SESTD1: variants seen among roughly 807,000 people sequenced by gnomAD.
SESTD1 encodes the protein SEC14 and spectrin domain containing 1, also known as SEC14 domain and spectrin repeat-containing protein 1.
In SESTD1, 43 loss-of-function variants were observed where a neutral mutation model predicts 101.7. That is an observed-to-expected ratio of 0.42 (90% CI 0.33 to 0.55). The LOEUF is 0.55. Ranked by LOEUF, SESTD1 falls within the 20% of genes least tolerant of loss-of-function variation. SESTD1 has a pLI of 0.07. For synonymous variants in SESTD1, 283 were observed against 286.8 expected (o/e 0.99, Z 0.13); for missense variants, 647 against 815.1 (o/e 0.79, Z 2.51).
intron 2 of SESTD1, among the ~76,000 whole-genome samples, chr2:179,184,765 A>T (rs1391704115): frequency 6.6e-6 from 1 of 152,186 alleles, no homozygotes; most frequent in Non-Finnish European, 1.5e-5. Flanking sequence ...CCACCCATTA[A>T]GCCAAGCCCC....
intron 2 of SESTD1, among the ~76,000 whole-genome samples, chr2:179,191,106 T>C (rs1221443637): frequency 6.6e-6 from 1 of 152,150 alleles, no homozygotes; most frequent in African/African-American, 2.4e-5. Flanking sequence ...AATTGCTCTA[T>C]CAAAAAGACA....
At chr2:179,150,820 A>T (rs1483469391) in intron 6 of SESTD1, among the ~76,000 whole-genome samples, 4 of 146,830 alleles carry the variant, frequency 2.7e-5, no homozygotes, top group African/African-American at 1.1e-4. Flanking sequence ...ACTGTCTCAA[A>T]AAAAAGAAAA....
At chr2:179,140,771 G>A (rs2045260299) in intron 9 of SESTD1, among the ~76,000 whole-genome samples, 1 of 152,146 alleles carries the variant, frequency 6.6e-6, no homozygotes, top group Non-Finnish European at 1.5e-5. Flanking sequence ...GGTCACCAGT[G>A]ACCTCAATCT....
At chr2:179,181,160 T>C (rs1575465652) in intron 3 of SESTD1, among the ~76,000 whole-genome samples, 1 of 152,262 alleles carries the variant, frequency 6.6e-6, no homozygotes, top group East Asian at 1.9e-4. Context: ...ATTTAAATAG[T>C]ATAGGCTATT....
In SESTD1 at chr2:179,184,282, A is replaced by G. The variant is rs117396027; in HGVS notation, c.56-1094T>C. On this transcript the variant is annotated intron_variant, in intron 2 of 17. Coordinates refer to ENST00000428443, the MANE Select transcript of SESTD1 (RefSeq NM_178123.5). ...ATTTGAGGTAATTTGAGAGGCTTAA[A>G]AAGCAGCAAATACTGAAAGAAACAA... 6.2e-4 allele frequency among the ~76,000 whole-genome samples: 95 copies of G among 152,298 alleles called. 2 individuals carry two copies. The East Asian group carries it at 0.017, about 27-fold the overall frequency.
chr2:179,199,410 A>T (rs1404196734), intron 1 of SESTD1, among the ~76,000 whole-genome samples: 1 of 152,160 alleles, frequency 6.6e-6, no homozygotes, highest in Non-Finnish European at 1.5e-5. Context: ...TTCTGAAACT[A>T]TTCCAATCAA....
Position 179,124,531 on chromosome 2 carries a change from T to G in SESTD1, c.1000A>C (p.Asn334His), listed in dbSNP as rs2044827586. The change falls in exon 11 of 18, where the codon AAT becomes CAT. Residue 334 changes from asparagine to histidine, a missense_variant. Asn to His is a moderately conservative substitution (Grantham distance 68, BLOSUM62 1). Around this residue, in one of 3 missense-constraint regions of SESTD1, gnomAD observed 476 missense variants for 562.6 expected, o/e 0.85. Transcript: ENST00000428443. ...SEWFAVYVEL[N>H]QQIAALLNAG... ...TTCAAGAGTGCTGCAATTTGCTGAT[T>G]AAGTTCCACATACACTGCAAACCAT... is the stretch of plus-strand genomic sequence containing the variant. The G allele has an allele frequency of 6.2e-7, 1 of 1,613,938 alleles. No homozygotes were observed. Among genetic ancestry groups the G allele is most frequent in the Admixed American group, 1.7e-5 (1 of 59,994 alleles).
At chr2:179,123,969 A>G in intron 11 of SESTD1, 140 bp from the exon 12 acceptor site, 2 of 620,684 alleles carry the variant, frequency 3.2e-6, no homozygotes, top group Non-Finnish European at 5.6e-6. Flanking sequence ...AGGACGAATC[A>G]TTAGAATATG....
chr2:179,114,307 C>A (rs774499543), intron 16 of SESTD1, among the ~76,000 whole-genome samples: 2 of 152,172 alleles, frequency 1.3e-5, no homozygotes, highest in African/African-American at 2.4e-5. Context: ...AGGTTCCTTG[C>A]AACATCTGTT....
chr2:179,241,814 G>A (rs560822606), intron 1 of SESTD1, among the ~76,000 whole-genome samples: 1 of 151,846 alleles, frequency 6.6e-6, no homozygotes, highest in East Asian at 1.9e-4. Flanking sequence ...CCCAGCTACT[G>A]GAGAGGCTGA....
At chr2:179,231,917 T>C (rs115340485) in intron 1 of SESTD1, among the ~76,000 whole-genome samples, 6,571 of 152,090 alleles carry the variant, frequency 0.043, 168 homozygotes, top group Middle Eastern at 0.099. Context: ...CCATCGTGTA[T>C]GCCTATCATC....
chr2:179,147,626 C>T (rs919880503), intron 7 of SESTD1, among the ~76,000 whole-genome samples: 1 of 152,146 alleles, frequency 6.6e-6, no homozygotes, highest in African/African-American at 2.4e-5. Flanking sequence ...TCCTAAAGTG[C>T]TGGGATTACA....
At chr2:179,181,034 T>G (rs1281191786) in intron 3 of SESTD1, among the ~76,000 whole-genome samples, 1 of 152,220 alleles carries the variant, frequency 6.6e-6, no homozygotes, top group Non-Finnish European at 1.5e-5. Context: ...TTCATCTTGC[T>G]TCAACTTACA....
Position 179,124,378 on chromosome 2 carries a change from C to T in SESTD1, c.1153G>A (p.Gly385Ser), listed in dbSNP as rs1575426697. 6.2e-7 allele frequency: 1 copy of T among 1,613,860 alleles called. No homozygotes were observed. Among genetic ancestry groups the T allele is most frequent in the East Asian group, 2.2e-5 (1 of 44,858 alleles). ...TAGACACTTACATCTTGGGCAACACCATGAAATTCAAGAGCTGCTTGTAAG... is the reference window on the plus strand; with the variant it reads ...TAGACACTTACATCTTGGGCAACACTATGAAATTCAAGAGCTGCTTGTAAG... Reference protein sequence around the residue: ...NLLQAALEFHGVAQDLSQQLD... With the variant: ...NLLQAALEFHSVAQDLSQQLD... Residue 385 changes from glycine to serine, a missense_variant, in exon 11 of 18, where the codon GGT (glycine) becomes AGT (serine). Gly to Ser is a moderately conservative substitution (Grantham distance 56). Around this residue, in one of 3 missense-constraint regions of SESTD1, gnomAD observed 476 missense variants for 562.6 expected, o/e 0.85. Coordinates refer to ENST00000428443, the MANE Select transcript of SESTD1 (RefSeq NM_178123.5).
chr2:179,146,285 T>C (rs2045393563), intron 8 of SESTD1, 117 bp downstream of exon 8: 2 of 923,218 alleles, frequency 2.2e-6, no homozygotes, highest in South Asian at 3.0e-5. Context: ...CCTCAAAAAT[T>C]TCCCCTTGAG....
chr2:179,127,361 T>C (rs751359680), intron 10 of SESTD1, among the ~76,000 whole-genome samples: 1 of 152,232 alleles, frequency 6.6e-6, no homozygotes, highest in Non-Finnish European at 1.5e-5. Context: ...GCTCCCCAAC[T>C]TGAATGTAAA....
rs2045218340 is a variant in SESTD1 at position 179,138,961 on chromosome 2, T to C, written c.849+4631A>G. Among the ~76,000 whole-genome samples, 3 of 151,984 alleles carry C rather than the reference T, an allele frequency of 2.0e-5. No individual in the cohort carries two copies. The South Asian group carries it at 6.2e-4, about 32-fold the overall frequency. On this transcript the variant is annotated intron_variant, in intron 9 of 17. Coordinates refer to ENST00000428443, the MANE Select transcript of SESTD1 (RefSeq NM_178123.5). ...TCCAATATCAGAGGCTCATCGCCCT[T>C]GTTATTGATCTTTAGAACCAAAGAC...
intron 1 of SESTD1, among the ~76,000 whole-genome samples, chr2:179,245,726 GGAAAAA>G (rs1559160126): frequency 6.6e-6 from 1 of 151,716 alleles, no homozygotes; most frequent in Non-Finnish European, 1.5e-5. Context: ...TAAAAAGGGA[GGAAAAA>G]GAAAACAGAC....
At chr2:179,159,777 G>C (rs531881808) in intron 5 of SESTD1, among the ~76,000 whole-genome samples, 3 of 152,188 alleles carry the variant, frequency 2.0e-5, no homozygotes, top group Admixed American at 6.5e-5. Context: ...ATAAAGCAAT[G>C]CAAATCAAAG....
Sources: allele counts gnomAD v4.1 joint callset (sites outside exome capture counted in the v4.1 genomes callset), GRCh38; gene constraint gnomAD v4.1.1; regional missense constraint gnomAD v4.1.1; transcripts MANE v1.5; gene names NCBI Gene and HGNC (gene_info 2026-07-23, HGNC 2026-07-21).